DNM3: variants seen among roughly 807,000 people sequenced by gnomAD.
DNM3 encodes the protein dynamin-3.
Under a neutral mutation model 101.6 loss-of-function variants are expected in DNM3, and 47 were observed. That is an observed-to-expected ratio of 0.46 (90% CI 0.37 to 0.59). The LOEUF (loss-of-function observed/expected upper bound fraction) is 0.59, where lower values mean the gene tolerates loss of function less well. Ranked by LOEUF, DNM3 falls within the 20% of genes least tolerant of loss-of-function variation. DNM3 has a pLI of 0.00. For missense variants in DNM3, 849 were observed against 1,085.7 expected, an observed-to-expected ratio of 0.78 and a Z score of 3.06; for synonymous variants, 385 against 387.9, an observed-to-expected ratio of 0.99 and a Z score of 0.09.
intron 1 of DNM3, among the ~76,000 whole-genome samples, chr1:171,852,497 C>T (rs1269369014): frequency 6.6e-6 from 1 of 152,152 alleles, no homozygotes; most frequent in Admixed American, 6.5e-5. Flanking sequence ...CTTGGTGATC[C>T]AGTGGGTACA....
At chr1:172,055,840 C>A (rs186929496) in intron 10 of DNM3, among the ~76,000 whole-genome samples, 1 of 152,098 alleles carries the variant, frequency 6.6e-6, no homozygotes, top group South Asian at 2.1e-4. Context: ...GGGGAGGAGC[C>A]AAGATGGCCA....
chr1:172,077,985 T>C (rs2052804578), intron 11 of DNM3, among the ~76,000 whole-genome samples: 1 of 152,238 alleles, frequency 6.6e-6, no homozygotes, highest in African/African-American at 2.4e-5. Flanking sequence ...TGGGTGCTCC[T>C]GTATTGGGTG....
chr1:172,413,894 C>G (rs2071337078), downstream of DNM3, among the ~76,000 whole-genome samples: 1 of 152,170 alleles, frequency 6.6e-6, no homozygotes. Flanking sequence ...AAGAAAGATT[C>G]TGGATGCGAA....
At chr1:171,917,643 A>T (rs1012051647) in intron 1 of DNM3, among the ~76,000 whole-genome samples, 1 of 152,212 alleles carries the variant, frequency 6.6e-6, no homozygotes, top group Non-Finnish European at 1.5e-5. Flanking sequence ...TGTACAGTTC[A>T]ACCACAAATA....
intron 1 of DNM3, among the ~76,000 whole-genome samples, chr1:171,914,134 T>C (rs2039519560): frequency 6.6e-6 from 1 of 151,898 alleles, no homozygotes; most frequent in Non-Finnish European, 1.5e-5. Context: ...TTAAAAGAGA[T>C]TTCTCTGTTT....
rs574124703 is a variant in DNM3, at chr1:172,177,507, C to T, written c.1659+46219C>T. On this transcript the variant is annotated intron_variant, in intron 14 of 20. Transcript: ENST00000627582. ...CCCTACACATAAGGGGAAGTGGGGG[C>T]GCTACTGTACTTTCTAAAACCAAGT... Among the ~76,000 whole-genome samples the T allele has an allele frequency of 2.6e-5, 4 of 151,808 alleles. No individual in the cohort carries two copies. In the South Asian group the frequency reaches 6.2e-4, roughly 24 times the overall value.
chr1:172,173,239 A>G (rs1300562155), intron 14 of DNM3, among the ~76,000 whole-genome samples: 1 of 151,738 alleles, frequency 6.6e-6, no homozygotes, highest in African/African-American at 2.4e-5. Context: ...TTAAAGTAAT[A>G]GAATTGATGA....
At chr1:172,029,037 G>C (rs1176084136) in intron 4 of DNM3, among the ~76,000 whole-genome samples, 1 of 152,084 alleles carries the variant, frequency 6.6e-6, no homozygotes, top group Non-Finnish European at 1.5e-5. Flanking sequence ...TAAAAAGAGG[G>C]ACTCCTCCCT....
intron 14 of DNM3, among the ~76,000 whole-genome samples, chr1:172,230,511 A>G (rs2061293246): frequency 6.6e-6 from 1 of 152,172 alleles, no homozygotes; most frequent in African/African-American, 2.4e-5. Context: ...TAACTACTTC[A>G]TGCCCAATAT....
chr1:171,868,457 A>G (rs1316194808), intron 1 of DNM3, among the ~76,000 whole-genome samples: 1 of 152,180 alleles, frequency 6.6e-6, no homozygotes, highest in African/African-American at 2.4e-5. Context: ...TGACACTGCA[A>G]TCTGCGCATT....
intron 1 of DNM3, among the ~76,000 whole-genome samples, chr1:171,881,517 G>A (rs1237430684): frequency 6.6e-6 from 1 of 152,144 alleles, no homozygotes; most frequent in Admixed American, 6.5e-5. Flanking sequence ...ATAGGAGTGG[G>A]AAATTCTCAA....
At chr1:172,337,771 A>G (rs2066491992) in intron 17 of DNM3, among the ~76,000 whole-genome samples, 1 of 152,138 alleles carries the variant, frequency 6.6e-6, no homozygotes, top group Admixed American at 6.5e-5. Context: ...CTAATTAAAA[A>G]TGCAAACTCC....
chr1:172,323,444 C>T, intron 17 of DNM3, 104 bp downstream of exon 17: 1 of 1,377,644 alleles, frequency 7.3e-7, no homozygotes, highest in East Asian at 2.5e-5. Flanking sequence ...TGACTGTCAT[C>T]TGTTACAGTG....
chr1:172,378,342 T>A (rs565394169), intron 17 of DNM3: 1 of 152,186 alleles, frequency 6.6e-6, no homozygotes, highest in South Asian at 2.1e-4. Context: ...AATAAATTCT[T>A]TGTGTATAGA....
chr1:171,898,701 T>TAGAGAG (rs1192329165), intron 1 of DNM3, among the ~76,000 whole-genome samples: 10 of 79,358 alleles, frequency 1.3e-4, no homozygotes, highest in African/African-American at 4.6e-4. Context: ...TACATATATA[T>TAGAGAG]ATATAGAGAG....
At chr1:171,997,508 GCGTTCAGTGCTTT>G (rs1437719403) in intron 4 of DNM3, among the ~76,000 whole-genome samples, 77 of 152,244 alleles carry the variant, frequency 5.1e-4, no homozygotes, top group African/African-American at 1.8e-3. Flanking sequence ...CATAGAGAGA[GCGTTCAGTGCTTT>G]CTCAAAGGAG....
intron 14 of DNM3, among the ~76,000 whole-genome samples, chr1:172,233,657 C>A (rs375979244): frequency 6.6e-6 from 1 of 152,038 alleles, no homozygotes; most frequent in African/African-American, 2.4e-5. Context: ...TACTGGCAAA[C>A]TGAATCCAGC....
At position 171,896,686 on chromosome 1, in the gene DNM3, A is replaced by G. The variant is rs571496094; in HGVS notation, c.162-25062A>G. 2.8e-4 allele frequency among the ~76,000 whole-genome samples: 42 copies of G among 152,248 alleles called. No individual in the cohort carries two copies. The South Asian group carries it at 8.5e-3, about 31-fold the overall frequency. On this transcript the variant is annotated intron_variant, in intron 1 of 20. Coordinates refer to ENST00000627582, the MANE Select transcript of DNM3 (RefSeq NM_015569.5). ...CCTGGCCAGAACTTCCAACACTTAC[A>G]TAGTTATATTTTTATTTAGTTAGTA...
intron 1 of DNM3, among the ~76,000 whole-genome samples, chr1:171,871,943 A>T (rs1474305077): frequency 1.4e-5 from 2 of 141,750 alleles, no homozygotes; most frequent in Non-Finnish European, 1.5e-5. Flanking sequence ...AGAGGTAGTA[A>T]TTTTTTTTTT....
Sources: allele counts gnomAD v4.1 joint callset (sites outside exome capture counted in the v4.1 genomes callset), GRCh38; gene constraint gnomAD v4.1.1; transcripts MANE v1.5; gene names NCBI Gene and HGNC (gene_info 2026-07-23, HGNC 2026-07-21).